RANBP2: variants seen among roughly 807,000 people sequenced by gnomAD.
RANBP2 encodes the protein E3 SUMO-protein ligase RanBP2.
RANBP2 carries 57 observed loss-of-function variants against 303.6 expected under a neutral mutation model. The observed-to-expected ratio is 0.19, with a 90% CI of 0.15 to 0.23. The LOEUF (loss-of-function observed/expected upper bound fraction) is 0.23, where lower values mean the gene tolerates loss of function less well. Ranked by LOEUF, RANBP2 falls within the 10% of genes least tolerant of loss-of-function variation. The probability of loss-of-function intolerance (pLI) is 1.00; values close to 1 mark genes in which losing one functional copy is unlikely to be tolerated. For missense variants in RANBP2, 3,138 were observed against 3,780.8 expected, an observed-to-expected ratio of 0.83 and a Z score of 4.46; for synonymous variants, 1,167 against 1,301.5, an observed-to-expected ratio of 0.90 and a Z score of 2.23.
intron 7 of RANBP2, among the ~76,000 whole-genome samples, chr2:108,744,704 A>G (rs1042793177): frequency 6.6e-6 from 1 of 152,262 alleles, no homozygotes; most frequent in African/African-American, 2.4e-5. Flanking sequence ...TTCATAAATC[A>G]TATATTTTGA....
At chr2:109,380,202 C>A in the RANBP2 span, among the ~76,000 whole-genome samples, 1 of 152,170 alleles carries the variant, frequency 6.6e-6, no homozygotes, top group Non-Finnish European at 1.5e-5. Context: ...TAGGTACCGG[C>A]TCGCCCTGAT....
At chr2:109,451,755 G>A in the RANBP2 span, among the ~76,000 whole-genome samples, 3 of 152,256 alleles carry the variant, frequency 2.0e-5, no homozygotes, top group East Asian at 1.9e-4. Context: ...GATGAAAGGC[G>A]ACATGCAGGG....
the RANBP2 span, among the ~76,000 whole-genome samples, chr2:109,533,779 T>TG: frequency 6.6e-6 from 1 of 152,200 alleles, no homozygotes. Context: ...GAAAAGGTCC[T>TG]GGGGGGTACT....
chr2:108,957,165 A>C, the RANBP2 span, among the ~76,000 whole-genome samples: 1 of 152,190 alleles, frequency 6.6e-6, no homozygotes, highest in Non-Finnish European at 1.5e-5. Context: ...AATCTAAGTG[A>C]GGTAACTGGC....
chr2:108,730,649 C>T (rs2949981), intron 2 of RANBP2, 125 bp from the exon 3 acceptor site: 55 of 1,307,746 alleles, frequency 4.2e-5, no homozygotes, highest in Middle Eastern at 2.6e-4. Context: ...GTATGAATAG[C>T]GGTAGTTTTG....
At chr2:109,352,809 GCACCCTCTTAGCCACTACAGAC>G in the RANBP2 span, among the ~76,000 whole-genome samples, 1 of 152,340 alleles carries the variant, frequency 6.6e-6, no homozygotes, top group Non-Finnish European at 1.5e-5. Flanking sequence ...GGGGAGCAGA[GCACCCTCTTAGCCACTACAGAC>G]CACCCTCGCC....
chr2:108,886,424 A>AT, the RANBP2 span, among the ~76,000 whole-genome samples: 5 of 151,064 alleles, frequency 3.3e-5, no homozygotes, highest in South Asian at 2.1e-4. Flanking sequence ...CACTTTATTT[A>AT]TTTTTTTTGA....
At chr2:108,752,627 A>AAAAAAAAAAAAAAAAAT in intron 12 of RANBP2, among the ~76,000 whole-genome samples, 1 of 142,938 alleles carries the variant, frequency 7.0e-6, no homozygotes, top group Non-Finnish European at 1.5e-5. Context: ...CAAAAAAAAA[A>AAAAAAAAAAAAAAAAAT]AAAAAAAAAG....
At chr2:109,478,786 G>A in the RANBP2 span, among the ~76,000 whole-genome samples, 9 of 152,130 alleles carry the variant, frequency 5.9e-5, no homozygotes, top group Non-Finnish European at 1.0e-4. Context: ...CTAGCCCTGG[G>A]AAGCTCATGA....
the RANBP2 span, chr2:108,911,222 C>A: frequency 4.0e-6 from 4 of 990,272 alleles, no homozygotes; most frequent in Middle Eastern, 6.3e-4. Context: ...GACTGAGAAC[C>A]AAATCCTCCG....
At chr2:109,427,018 G>T in the RANBP2 span, among the ~76,000 whole-genome samples, 1,609 of 152,094 alleles carry the variant, frequency 0.011, 28 homozygotes, top group African/African-American at 0.033. Context: ...ACCTAGGCTG[G>T]AGTGCAGTGG....
chr2:108,875,482 A>G, the RANBP2 span, among the ~76,000 whole-genome samples: 14 of 152,126 alleles, frequency 9.2e-5, no homozygotes, highest in Non-Finnish European at 1.8e-4. Flanking sequence ...AGGATGATCA[A>G]ATGTTTGTCT....
At chr2:109,595,152 G>A in the RANBP2 span, among the ~76,000 whole-genome samples, 1 of 152,156 alleles carries the variant, frequency 6.6e-6, no homozygotes, top group Non-Finnish European at 1.5e-5. Flanking sequence ...CTCCCAAAGT[G>A]CTGGGATTAC....
chr2:109,099,758 A>T, the RANBP2 span, among the ~76,000 whole-genome samples: 1 of 151,804 alleles, frequency 6.6e-6, no homozygotes, highest in African/African-American at 2.4e-5. Context: ...GTTTTTGCAT[A>T]CTTTTTCTTT....
the RANBP2 span, among the ~76,000 whole-genome samples, chr2:109,031,380 T>C: frequency 2.0e-5 from 3 of 152,142 alleles, no homozygotes; most frequent in Non-Finnish European, 4.4e-5. Context: ...AACAGCTTCC[T>C]CCAGCCTTCT....
chr2:109,222,902 G>A, the RANBP2 span, among the ~76,000 whole-genome samples: 27 of 152,370 alleles, frequency 1.8e-4, no homozygotes, highest in Non-Finnish European at 3.2e-4. Context: ...TATCCCACAT[G>A]GGGACTCAGC....
chr2:109,476,492 C>T, the RANBP2 span, among the ~76,000 whole-genome samples: 1 of 152,192 alleles, frequency 6.6e-6, no homozygotes, highest in Non-Finnish European at 1.5e-5. Context: ...GGTCTAGAAC[C>T]CAAGATATTT....
chr2:109,383,524 G>A, the RANBP2 span, among the ~76,000 whole-genome samples: 2 of 152,154 alleles, frequency 1.3e-5, no homozygotes. Flanking sequence ...AATACTTTCT[G>A]TTTCCAATGG....
chr2:109,586,974 T>C, the RANBP2 span, among the ~76,000 whole-genome samples: 1 of 152,208 alleles, frequency 6.6e-6, no homozygotes, highest in East Asian at 1.9e-4. Context: ...CAGTATCTAC[T>C]ATACAATAAA....
Sources: gnomAD v4.1 joint callset for allele counts (sites outside exome capture counted in the v4.1 genomes callset) on GRCh38, gnomAD v4.1.1 for gene constraint, MANE v1.5 for transcripts, NCBI Gene and HGNC (gene_info 2026-07-23, HGNC 2026-07-21) for gene names.